ERBB4: variants seen among roughly 807,000 people sequenced by gnomAD.
ERBB4 encodes receptor tyrosine-protein kinase erbB-4.
ERBB4 carries 42 observed loss-of-function variants against 158.0 expected under a neutral mutation model. The observed-to-expected ratio is 0.27, with a 90% CI of 0.21 to 0.34. The LOEUF (loss-of-function observed/expected upper bound fraction) is 0.34, where lower values mean the gene tolerates loss of function less well. Among genes scored for constraint, ERBB4 ranks in the 10% least tolerant of loss-of-function variants. ERBB4 has a pLI of 1.00. For synonymous variants in ERBB4, 583 were observed against 558.7 expected, an observed-to-expected ratio of 1.04 and a Z score of -0.61; for missense variants, 1,333 against 1,624.1, an observed-to-expected ratio of 0.82 and a Z score of 3.08.
intron 1 of ERBB4, among the ~76,000 whole-genome samples, chr2:212,538,189 A>G (rs1693213758): frequency 1.3e-5 from 2 of 152,134 alleles, no homozygotes; most frequent in Admixed American, 1.3e-4. Context: ...GCTCCCAAAC[A>G]AAACGCTCGG....
chr2:212,269,355 A>G (rs1381010960), intron 1 of ERBB4, among the ~76,000 whole-genome samples: 2 of 151,748 alleles, frequency 1.3e-5, no homozygotes, highest in Non-Finnish European at 2.9e-5. Flanking sequence ...AGTATGCCCA[A>G]TTCATACCTT....
At chr2:211,902,705 T>C (rs916498953) in intron 3 of ERBB4, among the ~76,000 whole-genome samples, 1 of 151,732 alleles carries the variant, frequency 6.6e-6, no homozygotes, top group African/African-American at 2.4e-5. Flanking sequence ...CTTCTATGTA[T>C]ATTTTTTTCT....
At chr2:212,312,112 T>C (rs1353652593) in intron 1 of ERBB4, among the ~76,000 whole-genome samples, 1 of 150,954 alleles carries the variant, frequency 6.6e-6, no homozygotes, top group Non-Finnish European at 1.5e-5. Context: ...GGTCTTGAAG[T>C]CTCTCTCATA....
chr2:211,773,629 TATATATATATATATATATA>T lies in ERBB4; in HGVS notation c.556+14377_556+14395del, dbSNP rs1559506249. Among the ~76,000 whole-genome samples, 45 of 51,054 alleles carry T rather than the reference TATATATATATATATATATA, an allele frequency of 8.8e-4. 1 individual carries two copies. Among genetic ancestry groups the T allele is most frequent in the South Asian group, 5.0e-3 (10 of 2,008 alleles). The allele number at this position is 51,054 out of a possible 152,430, so 33.5% of individuals were successfully genotyped here. ...ATATATATATATATATATATATATA[TATATATATATATATATATA>T]ATATATATACACACACACACACTTC... On this transcript the variant is annotated intron_variant, in intron 4 of 27. Transcript: ENST00000342788.
intron 5 of ERBB4, among the ~76,000 whole-genome samples, chr2:211,733,508 C>T (rs1331746117): frequency 6.8e-6 from 1 of 146,798 alleles, no homozygotes; most frequent in Non-Finnish European, 1.5e-5. Flanking sequence ...ACCTTAAAAT[C>T]TGCCTATAAA....
At chr2:212,319,677 TTTGA>T (rs1450498646) in intron 1 of ERBB4, among the ~76,000 whole-genome samples, 1 of 150,288 alleles carries the variant, frequency 6.7e-6, no homozygotes, top group African/African-American at 2.4e-5. Context: ...CGTCTCAGTT[TTTGA>T]TTGAGAAGAC....
At chr2:211,902,057 C>T (rs1263466309) in intron 3 of ERBB4, among the ~76,000 whole-genome samples, 2 of 151,864 alleles carry the variant, frequency 1.3e-5, no homozygotes, top group Admixed American at 6.6e-5. Flanking sequence ...TCCAACCTTC[C>T]TAATTCATAT....
At chr2:212,031,653 T>C (rs2076905475) in intron 2 of ERBB4, among the ~76,000 whole-genome samples, 1 of 152,122 alleles carries the variant, frequency 6.6e-6, no homozygotes. Context: ...ATACCTGTTT[T>C]TATGGTTTAA....
chr2:211,739,559 G>T (rs1323343247), intron 5 of ERBB4, among the ~76,000 whole-genome samples: 1 of 152,134 alleles, frequency 6.6e-6, no homozygotes, highest in Non-Finnish European at 1.5e-5. Context: ...TGCCTACCAG[G>T]TTCAACCGAT....
chr2:211,888,644 T>C (rs946922322), intron 3 of ERBB4, among the ~76,000 whole-genome samples: 90 of 152,032 alleles, frequency 5.9e-4, no homozygotes, highest in Middle Eastern at 3.2e-3. Context: ...GTACCGGGTT[T>C]CTCTCACTAG....
intron 3 of ERBB4, among the ~76,000 whole-genome samples, chr2:211,942,585 T>G (rs2080534325): frequency 6.6e-6 from 1 of 152,072 alleles, no homozygotes; most frequent in African/African-American, 2.4e-5. Flanking sequence ...TATTGAGGGC[T>G]TCTAGGTATA....
At chr2:212,369,096 A>C (rs1316310117) in intron 1 of ERBB4, among the ~76,000 whole-genome samples, 1 of 152,178 alleles carries the variant, frequency 6.6e-6, no homozygotes, top group Non-Finnish European at 1.5e-5. Context: ...CACAAACTAA[A>C]TGTGGTCTAT....
At chr2:211,716,996 A>T (rs62182978) in intron 7 of ERBB4, among the ~76,000 whole-genome samples, 11,129 of 152,240 alleles carry the variant, frequency 0.073, 518 homozygotes, top group Non-Finnish European at 0.1. Context: ...CTTTCAGGTG[A>T]ATCACTATAA....
intron 1 of ERBB4, among the ~76,000 whole-genome samples, chr2:212,236,512 G>A (rs775800522): frequency 2.6e-5 from 4 of 152,026 alleles, no homozygotes; most frequent in Admixed American, 6.6e-5. Flanking sequence ...CCTCTTTTTC[G>A]ATTGTTTGGA....
At chr2:211,631,172 C>T (rs76147372) in intron 16 of ERBB4, among the ~76,000 whole-genome samples, 8,040 of 152,146 alleles carry the variant, frequency 0.053, 320 homozygotes, top group Middle Eastern at 0.085. Flanking sequence ...ATGACAATGT[C>T]TCCAGACATT....
chr2:212,069,838 C>A (rs763881926), intron 2 of ERBB4, among the ~76,000 whole-genome samples: 10 of 151,848 alleles, frequency 6.6e-5, no homozygotes, highest in Non-Finnish European at 5.9e-5. Context: ...TTACTTAAGG[C>A]TGGGTACGGT....
intron 1 of ERBB4, among the ~76,000 whole-genome samples, chr2:212,232,233 A>G (rs553585928): frequency 1.3e-5 from 2 of 152,306 alleles, no homozygotes; most frequent in South Asian, 2.1e-4. Flanking sequence ...TGAAGACTAC[A>G]TAAGTGTTTC....
At chr2:211,661,767 C>T (rs1485263369) in intron 15 of ERBB4, among the ~76,000 whole-genome samples, 2 of 151,754 alleles carry the variant, frequency 1.3e-5, no homozygotes, top group African/African-American at 2.4e-5. Context: ...CGGCCGGGCG[C>T]GGTGGCTCAC....
At chr2:211,910,792 G>A (rs1008035519) in intron 3 of ERBB4, among the ~76,000 whole-genome samples, 9 of 151,950 alleles carry the variant, frequency 5.9e-5, no homozygotes, top group African/African-American at 2.2e-4. Context: ...TTATTCAGAC[G>A]TTATCAGCAC....
Sources: gnomAD v4.1 joint callset for allele counts (sites outside exome capture counted in the v4.1 genomes callset) on GRCh38, gnomAD v4.1.1 for gene constraint, MANE v1.5 for transcripts, NCBI Gene and HGNC (gene_info 2026-07-23, HGNC 2026-07-21) for gene names.